The following CNTN4 variants were observed in gnomAD, a reference collection of about 807,000 sequenced individuals.
The protein encoded by CNTN4 is contactin 4.
Under a neutral mutation model 122.5 loss-of-function variants are expected in CNTN4, and 77 were observed. The observed-to-expected ratio is 0.63, with a 90% CI of 0.52 to 0.76. CNTN4 has a LOEUF of 0.76. Among genes scored for constraint, CNTN4 ranks in the 30% least tolerant of loss-of-function variants. The pLI is 0.00. For missense variants in CNTN4, 1,256 were observed against 1,259.1 expected (o/e 1.00, Z 0.04); for synonymous variants, 512 against 447.0 (o/e 1.15, Z -1.83).
At chr3:2,239,338 A>T (rs2039833923) in intron 2 of CNTN4, among the ~76,000 whole-genome samples, 1 of 152,216 alleles carries the variant, frequency 6.6e-6, no homozygotes, top group South Asian at 2.1e-4. Context: ...TAATGAGTAT[A>T]ACATTGAGTC....
intron 2 of CNTN4, among the ~76,000 whole-genome samples, chr3:2,332,892 TAA>T (rs67168655): frequency 1.3e-5 from 2 of 151,124 alleles, no homozygotes; most frequent in Non-Finnish European, 3.0e-5. Context: ...AAAATAAAAT[TAA>T]AAAAAAATAA....
chr3:2,733,917 A>T (rs115283148), intron 4 of CNTN4, among the ~76,000 whole-genome samples: 2,403 of 151,920 alleles, frequency 0.016, 66 homozygotes, highest in African/African-American at 0.055. Context: ...CTTTTTATTG[A>T]TGTGGTATTT....
Position 2,627,594 on chromosome 3 carries a change from G to C in CNTN4, c.55+56036G>C, listed in dbSNP as rs189417477. On this transcript the variant is annotated intron_variant, in intron 4 of 24. Transcript: ENST00000418658. ...CTGCAAGCTCCGCCTCCTGGGTTCA[G>C]GCCATTCTCCTGCTTCAGCCTCCCG... is the stretch of plus-strand genomic sequence containing the variant. Among the ~76,000 whole-genome samples, 616 of 150,524 alleles carry C rather than the reference G, an allele frequency of 4.1e-3. 3 individuals are homozygous for C. The highest frequency in any genetic ancestry group is 9.1e-3 in the East Asian group (46 of 5,048).
At chr3:2,384,299 C>A (rs1432952428) in intron 3 of CNTN4, among the ~76,000 whole-genome samples, 1 of 152,136 alleles carries the variant, frequency 6.6e-6, no homozygotes, top group South Asian at 2.1e-4. Flanking sequence ...ACCTGGAGGG[C>A]AAATGCTATG....
intron 3 of CNTN4, among the ~76,000 whole-genome samples, chr3:2,514,748 T>G (rs774233736): frequency 6.6e-6 from 1 of 152,184 alleles, no homozygotes; most frequent in Non-Finnish European, 1.5e-5. Flanking sequence ...TACGAACTCA[T>G]GACATCTTAT....
At chr3:2,351,493 A>C (rs1011165471) in intron 3 of CNTN4, among the ~76,000 whole-genome samples, 1 of 152,192 alleles carries the variant, frequency 6.6e-6, no homozygotes, top group Non-Finnish European at 1.5e-5. Context: ...TTGTATTTGA[A>C]AGAAAAAGAG....
chr3:2,182,179 C>G (rs1188321357), intron 2 of CNTN4, among the ~76,000 whole-genome samples: 1 of 152,078 alleles, frequency 6.6e-6, no homozygotes, highest in African/African-American at 2.4e-5. Flanking sequence ...GACATCCAGA[C>G]AGTGATAGCC....
At chr3:3,024,797 C>T (rs1048608072) in intron 14 of CNTN4, among the ~76,000 whole-genome samples, 1 of 152,150 alleles carries the variant, frequency 6.6e-6, no homozygotes, top group African/African-American at 2.4e-5. Context: ...GCAAGTAAGA[C>T]TCACAAAAAT....
chr3:2,867,496 A>G (rs912387746), intron 8 of CNTN4, among the ~76,000 whole-genome samples: 3 of 152,162 alleles, frequency 2.0e-5, no homozygotes, highest in African/African-American at 4.8e-5. Flanking sequence ...TGACTTAACA[A>G]TGTGTAGTAA....
chr3:2,798,911 T>A (rs970774669), intron 6 of CNTN4, among the ~76,000 whole-genome samples: 2 of 152,188 alleles, frequency 1.3e-5, no homozygotes, highest in African/African-American at 2.4e-5. Context: ...CTTTGAGAAA[T>A]CTCTATACTG....
intron 14 of CNTN4, among the ~76,000 whole-genome samples, chr3:3,012,991 C>A (rs1349850976): frequency 6.6e-6 from 1 of 151,852 alleles, no homozygotes; most frequent in Non-Finnish European, 1.5e-5. Flanking sequence ...ATAAAAAAAA[C>A]CCTTTGTATT....
intron 2 of CNTN4, among the ~76,000 whole-genome samples, chr3:2,276,122 C>G (rs73103945): frequency 9.0e-4 from 137 of 151,934 alleles, no homozygotes; most frequent in Middle Eastern, 3.4e-3. Flanking sequence ...ATCTTTTTAA[C>G]ATTATCTGCA....
chr3:2,324,513 C>A (rs2043384060), intron 2 of CNTN4, among the ~76,000 whole-genome samples: 1 of 152,042 alleles, frequency 6.6e-6, no homozygotes, highest in Non-Finnish European at 1.5e-5. Flanking sequence ...TGGGTATTGT[C>A]AGGACTCTTG....
intron 4 of CNTN4, among the ~76,000 whole-genome samples, chr3:2,649,368 A>T (rs1576340537): frequency 6.6e-6 from 1 of 152,226 alleles, no homozygotes; most frequent in East Asian, 1.9e-4. Context: ...GGGTTAATAC[A>T]GCTGGTGACT....
chr3:2,571,679 T>C (rs148938086), intron 4 of CNTN4, 121 bp downstream of exon 4: 3 of 749,910 alleles, frequency 4.0e-6, no homozygotes. Context: ...CTGCTATGAC[T>C]AGCATTTGCT....
rs147653250 is a variant in CNTN4, at chr3:2,464,084, C to T, written c.-88-107332C>T. Among the ~76,000 whole-genome samples, 578 of 152,234 alleles carry T rather than the reference C, an allele frequency of 3.8e-3. 8 individuals carry two copies. Among genetic ancestry groups the T allele is most frequent in the East Asian group, 9.8e-3 (51 of 5,180 alleles). ...CAGACCATTGCACCAAGTTTGATTT[C>T]TACATGAAGTTTACTATTGTTTGTG... On this transcript the variant is annotated intron_variant, in intron 3 of 24. Transcript: ENST00000418658.
intron 4 of CNTN4, among the ~76,000 whole-genome samples, chr3:2,674,407 T>C (rs1045231111): frequency 2.0e-5 from 3 of 152,226 alleles, no homozygotes; most frequent in African/African-American, 7.2e-5. Flanking sequence ...TTACTGTTTC[T>C]TTGTGTTGGG....
chr3:2,884,775 C>G (rs2093951331), intron 9 of CNTN4, among the ~76,000 whole-genome samples: 1 of 152,142 alleles, frequency 6.6e-6, no homozygotes, highest in East Asian at 1.9e-4. Context: ...GTTCACACTT[C>G]AAAGGGGGTT....
intron 3 of CNTN4, among the ~76,000 whole-genome samples, chr3:2,447,882 C>A (rs1343634682): frequency 1.3e-5 from 2 of 152,012 alleles, no homozygotes; most frequent in African/African-American, 4.8e-5. Flanking sequence ...CTATTATTAT[C>A]CTAATTTTAA....
Sources: gnomAD v4.1 joint callset for allele counts (sites outside exome capture counted in the v4.1 genomes callset) on GRCh38, gnomAD v4.1.1 for gene constraint, MANE v1.5 for transcripts, NCBI Gene and HGNC (gene_info 2026-07-23, HGNC 2026-07-21) for gene names.